The following KIF25 variants were observed in gnomAD, a reference collection of about 807,000 sequenced individuals.
The protein encoded by KIF25 is kinesin family member 25.
In KIF25, 19 loss-of-function variants were observed where a neutral mutation model predicts 32.9. The ratio of observed to expected loss-of-function variants is 0.58; its 90% confidence interval spans 0.40 to 0.85. The LOEUF (loss-of-function observed/expected upper bound fraction) is 0.85, where lower values mean the gene tolerates loss of function less well. Among genes scored for constraint, KIF25 ranks in the 40% least tolerant of loss-of-function variants. The pLI is 0.00. For synonymous variants in KIF25, 225 were observed against 213.7 expected (o/e 1.05, Z -0.46); for missense variants, 485 against 507.0 (o/e 0.96, Z 0.42).
At chr6:168,001,103 A>G (rs1468116844) in intron 2 of KIF25, among the ~76,000 whole-genome samples, 1 of 152,236 alleles carries the variant, frequency 6.6e-6, no homozygotes, top group African/African-American at 2.4e-5. Flanking sequence ...TTGTCAAAGG[A>G]CTGGAAATTG....
Position 168,033,937 on chromosome 6 carries a change from A to AC in KIF25, c.223_224insC (p.Met75ThrfsTer15). 6.2e-7 allele frequency: 1 copy of AC among 1,614,182 alleles called. No homozygotes were observed. The highest frequency in any genetic ancestry group is 1.1e-5 in the South Asian group (1 of 91,082). The stretch of plus-strand genomic sequence containing the variant: ...GACGGGCAGCGGAAAGAGCTATACC[A>AC]TGCTGGGACGCCATTCGGACGACGG... On this transcript the variant is annotated frameshift_variant, in exon 8 of 13. Coordinates refer to ENST00000643607, the MANE Select transcript of KIF25 (RefSeq NM_030615.4). LOFTEE classifies it high-confidence loss of function.
At chr6:168,017,029 G>A (rs1008133794) in intron 4 of KIF25, among the ~76,000 whole-genome samples, 8 of 152,240 alleles carry the variant, frequency 5.3e-5, no homozygotes, top group South Asian at 2.1e-4. Flanking sequence ...ATTTCACATC[G>A]GAGACCTCAC....
chr6:168,011,138 A>C (rs1315370725), intron 4 of KIF25, among the ~76,000 whole-genome samples: 1 of 151,620 alleles, frequency 6.6e-6, no homozygotes, highest in Non-Finnish European at 1.5e-5. Context: ...GTGAGGACTT[A>C]CTCTTGTCAT....
At chr6:168,005,962 C>T (rs551314518) in intron 4 of KIF25, among the ~76,000 whole-genome samples, 8 of 152,338 alleles carry the variant, frequency 5.3e-5, no homozygotes, top group East Asian at 1.9e-4. Context: ...CATCTACTGA[C>T]GAGAACATGC....
chr6:168,037,017 G>A (rs1166976895), intron 8 of KIF25, among the ~76,000 whole-genome samples: 6 of 152,168 alleles, frequency 3.9e-5, no homozygotes, highest in African/African-American at 1.4e-4. Flanking sequence ...AGCCGAGAAT[G>A]TGCCACTGCA....
chr6:168,006,820 A>G (rs1348491254), intron 4 of KIF25, among the ~76,000 whole-genome samples: 3 of 152,194 alleles, frequency 2.0e-5, no homozygotes, highest in African/African-American at 7.2e-5. Flanking sequence ...ATGGTTACGT[A>G]TTGTAAACTT....
At chr6:168,029,977 G>A (rs753896880) in intron 6 of KIF25, among the ~76,000 whole-genome samples, 3 of 152,152 alleles carry the variant, frequency 2.0e-5, no homozygotes, top group Non-Finnish European at 2.9e-5. Context: ...AAAAAACTTG[G>A]TTCCAGCTAA....
chr6:168,042,019 A>C lies in KIF25; in HGVS notation c.697A>C (p.Arg233=). ...TLPREQTEAG[R]AGRSRRASQG... ...CCCCAGGGAGCAAACAGAGGCAGGA[A>C]GGGCAGGAAGGAGCCGCAGAGCTTC... Residue 233 remains arginine, a synonymous_variant, in exon 11 of 13, where the codon AGG becomes CGG. Coordinates refer to ENST00000643607, the MANE Select transcript of KIF25 (RefSeq NM_030615.4). The C allele has an allele frequency of 6.4e-7, 1 of 1,551,666 alleles. No individual in the cohort carries two copies. Among genetic ancestry groups the C allele is most frequent in the African/African-American group, 1.4e-5 (1 of 73,206 alleles).
intron 4 of KIF25, among the ~76,000 whole-genome samples, chr6:168,005,894 C>T (rs1379381228): frequency 6.6e-6 from 1 of 152,212 alleles, no homozygotes; most frequent in South Asian, 2.1e-4. Context: ...AAGATCAATA[C>T]TTTGTATCCT....
Position 168,042,633 on chromosome 6 carries a change from G to C in KIF25, c.902G>C (p.Gly301Ala). ...AGCCGCAGCCTTGCGGCCCTGGCAG[G>C]CGTCCTGGGGGCTTTGTTGGAGCAC... The part of the protein sequence containing the change: ...CISRSLAALA[G>A]VLGALLEHRG... Residue 301 changes from glycine to alanine, a missense_variant, in exon 12 of 13, where the codon GGC (glycine) becomes GCC (alanine). Gly to Ala is a moderately conservative substitution (Grantham distance 60, BLOSUM62 0). Transcript: ENST00000643607. 1 of 1,613,892 alleles carries C rather than the reference G, an allele frequency of 6.2e-7. No individual in the cohort carries two copies.
chr6:168,021,489 A>C (rs1007389871), intron 5 of KIF25, among the ~76,000 whole-genome samples: 6 of 152,238 alleles, frequency 3.9e-5, no homozygotes, highest in Admixed American at 2.0e-4. Context: ...TGTTTATACA[A>C]TTCATGTGCT....
intron 5 of KIF25, among the ~76,000 whole-genome samples, chr6:168,024,958 G>A (rs1406005026): frequency 6.6e-6 from 1 of 152,220 alleles, no homozygotes; most frequent in African/African-American, 2.4e-5. Flanking sequence ...GGCTGAGGCA[G>A]GAGAATCGCA....
intron 5 of KIF25, among the ~76,000 whole-genome samples, chr6:168,023,551 A>G (rs1390331165): frequency 6.6e-6 from 1 of 152,092 alleles, no homozygotes. Flanking sequence ...TACAGGCGTG[A>G]GCCACCATGC....
At chr6:168,008,038 C>A (rs1294307664) in intron 4 of KIF25, among the ~76,000 whole-genome samples, 2 of 144,166 alleles carry the variant, frequency 1.4e-5, no homozygotes, top group Non-Finnish European at 3.1e-5. Flanking sequence ...TTTAATAGAA[C>A]ATTCTCTTTA....
At chr6:168,014,152 C>T (rs1211167682) in intron 4 of KIF25, among the ~76,000 whole-genome samples, 1 of 152,158 alleles carries the variant, frequency 6.6e-6, no homozygotes, top group East Asian at 1.9e-4. Flanking sequence ...TATAAGTGAA[C>T]ACACAGAGTA....
intron 4 of KIF25, among the ~76,000 whole-genome samples, chr6:168,016,011 G>A (rs77678488): frequency 0.01 from 1,550 of 152,236 alleles, 38 homozygotes; most frequent in African/African-American, 0.035. Flanking sequence ...GTTCCTGTAC[G>A]GTTCATACTG....
At chr6:168,040,270 G>A in intron 10 of KIF25, 54 bp downstream of exon 10, 2 of 1,548,618 alleles carry the variant, frequency 1.3e-6, no homozygotes, top group Non-Finnish European at 1.7e-6. Context: ...ACCCACTTAA[G>A]AAGAAAAAAA....
intron 8 of KIF25, chr6:168,036,005 C>G (rs958960163): frequency 6.4e-6 from 2 of 313,880 alleles, no homozygotes; most frequent in African/African-American, 2.2e-5. Context: ...CAAAATGATA[C>G]AAAACCACAA....
At chr6:168,043,947 G>GGGA (rs1799171418) in intron 12 of KIF25, among the ~76,000 whole-genome samples, 1 of 152,360 alleles carries the variant, frequency 6.6e-6, no homozygotes, top group African/African-American at 2.4e-5. Context: ...GGGGGCCTGA[G>GGGA]GGAGCCACAG....
Sources: gnomAD v4.1 joint callset for allele counts (sites outside exome capture counted in the v4.1 genomes callset) on GRCh38, gnomAD v4.1.1 for gene constraint, MANE v1.5 for transcripts, NCBI Gene and HGNC (gene_info 2026-07-23, HGNC 2026-07-21) for gene names.